GLIPR2: variants seen among roughly 807,000 people sequenced by gnomAD.
The protein encoded by GLIPR2 is GLI pathogenesis related 2, also known as Golgi-associated plant pathogenesis-related protein 1.
Under a neutral mutation model 20.4 loss-of-function variants are expected in GLIPR2, and 21 were observed. The observed-to-expected ratio is 1.03, with a 90% CI of 0.73 to 1.48. The LOEUF is 1.48. GLIPR2 is among the 40% of genes most tolerant of loss of function. GLIPR2 has a pLI of 0.00. For synonymous variants in GLIPR2, 91 were observed against 80.5 expected (o/e 1.13, Z -0.70); for missense variants, 205 against 200.1 (o/e 1.02, Z -0.15).
Position 36,162,527 on chromosome 9 carries a change from T to A in GLIPR2, c.*5T>A, listed in dbSNP as rs185420387. 1 of 1,614,062 alleles carries A rather than the reference T, an allele frequency of 6.2e-7. No homozygotes were observed. The highest frequency in any genetic ancestry group is 1.7e-5 in the Admixed American group (1 of 60,004). ...GTCCTGCCGCCGAAGAAGTAACTTGTTAAATGTAATGGGAAGGTGGCAGAC... is the reference window on the plus strand; with the variant it reads ...GTCCTGCCGCCGAAGAAGTAACTTGATAAATGTAATGGGAAGGTGGCAGAC... On this transcript the variant is annotated 3_prime_UTR_variant, in exon 5 of 5. Coordinates refer to ENST00000377960, the MANE Select transcript of GLIPR2 (RefSeq NM_022343.4).
intron 1 of GLIPR2, 147 bp from the exon 2 acceptor site, chr9:36,147,639 T>C: frequency 1.5e-6 from 1 of 663,648 alleles, no homozygotes; most frequent in Non-Finnish European, 2.8e-6. Flanking sequence ...GCAGGGCCAC[T>C]TGGCTGGGGT....
chr9:36,148,156 G>A (rs1199667480), intron 2 of GLIPR2, among the ~76,000 whole-genome samples: 4 of 152,098 alleles, frequency 2.6e-5, no homozygotes, highest in Non-Finnish European at 4.4e-5. Flanking sequence ...GCTGAGGCAG[G>A]AGAATTGCTT....
intron 1 of GLIPR2, among the ~76,000 whole-genome samples, chr9:36,137,319 G>C (rs558442628): frequency 4.5e-4 from 68 of 152,292 alleles, no homozygotes; most frequent in African/African-American, 1.5e-3. Context: ...TGAACTTTCT[G>C]CAGCGCAGCT....
chr9:36,162,949 G>C lies in GLIPR2; in HGVS notation c.*427G>C. On this transcript the variant is annotated 3_prime_UTR_variant, in exon 5 of 5. Coordinates refer to ENST00000377960, the MANE Select transcript of GLIPR2 (RefSeq NM_022343.4). ...TAATCTACTTTTGGTAGATAATTAA[G>C]ATTATTAAACCCTCATTTAAATGTG... is the stretch of plus-strand genomic sequence containing the variant. 1 of 451,976 alleles carries C rather than the reference G, an allele frequency of 2.2e-6. No homozygotes were observed. The highest frequency in any genetic ancestry group is 1.6e-5 in the South Asian group (1 of 62,538). The allele number at this position is 451,976 out of a possible 1,614,324, so 28.0% of individuals were successfully genotyped here. A position where few individuals can be genotyped will look rare whatever the true frequency, so the allele number is the denominator to read the frequency against.
chr9:36,155,402 C>G (rs1825785799), intron 4 of GLIPR2, among the ~76,000 whole-genome samples: 1 of 151,972 alleles, frequency 6.6e-6, no homozygotes, highest in South Asian at 2.1e-4. Flanking sequence ...CGAGACCACC[C>G]TGGCCAATAT....
chr9:36,151,628 G>C (rs1448769451), intron 4 of GLIPR2, among the ~76,000 whole-genome samples: 1 of 152,162 alleles, frequency 6.6e-6, no homozygotes, highest in African/African-American at 2.4e-5. Flanking sequence ...TGGCTTCTAA[G>C]GGATATCCTG....
At chr9:36,159,080 T>G (rs1825951926) in intron 4 of GLIPR2, among the ~76,000 whole-genome samples, 1 of 152,086 alleles carries the variant, frequency 6.6e-6, no homozygotes, top group Admixed American at 6.6e-5. Context: ...AAAAAGAATT[T>G]ATGATCGTTG....
At chr9:36,149,429 C>T (rs1214840316) in intron 3 of GLIPR2, among the ~76,000 whole-genome samples, 4 of 152,254 alleles carry the variant, frequency 2.6e-5, no homozygotes, top group African/African-American at 9.6e-5. Context: ...TTGGCACCCC[C>T]ACTGGGAGGC....
Position 36,162,616 on chromosome 9 carries a change from G to C in GLIPR2, c.*94G>C, listed in dbSNP as rs1233446337. ...CCTGGCTGTGCGTCTGTCCCTGTGG[G>C]TGTATGTGCTTGTGTGTGTGATGCA... On this transcript the variant is annotated 3_prime_UTR_variant, in exon 5 of 5. Transcript: ENST00000377960. 1 of 1,256,434 alleles carries C rather than the reference G, an allele frequency of 8.0e-7. No individual in the cohort carries two copies. The allele number at this position is 1,256,434 out of a possible 1,614,324, so 77.8% of individuals were successfully genotyped here.
intron 3 of GLIPR2, among the ~76,000 whole-genome samples, chr9:36,148,968 C>T (rs1328570009): frequency 6.6e-6 from 1 of 152,178 alleles, no homozygotes; most frequent in African/African-American, 2.4e-5. Flanking sequence ...TACAGAATCT[C>T]AGCCTGATTC....
intron 4 of GLIPR2, 196 bp from the exon 5 acceptor site, chr9:36,162,166 C>T: frequency 7.2e-7 from 1 of 1,382,632 alleles, no homozygotes. Flanking sequence ...CAGAGCGAGA[C>T]TCCATCTTGG....
At chr9:36,142,572 T>A (rs952040328) in intron 1 of GLIPR2, among the ~76,000 whole-genome samples, 2 of 152,210 alleles carry the variant, frequency 1.3e-5, no homozygotes, top group East Asian at 3.8e-4. Flanking sequence ...GTTGGCACTC[T>A]GAGGCCGTGT....
intron 1 of GLIPR2, among the ~76,000 whole-genome samples, chr9:36,139,962 G>A (rs1184658753): frequency 6.6e-6 from 1 of 152,154 alleles, no homozygotes; most frequent in Non-Finnish European, 1.5e-5. Flanking sequence ...CAGGCAAAGA[G>A]CTCAGTATTT....
intron 2 of GLIPR2, 32 bp from the exon 3 acceptor site, chr9:36,148,514 AC>A (rs1825438988): frequency 6.6e-7 from 1 of 1,526,098 alleles, no homozygotes; most frequent in African/African-American, 1.4e-5. Context: ...CCTGAACTGC[AC>A]CTGCTCTGAG....
At chr9:36,159,362 G>T (rs571133134) in intron 4 of GLIPR2, among the ~76,000 whole-genome samples, 3 of 152,336 alleles carry the variant, frequency 2.0e-5, no homozygotes, top group Admixed American at 6.5e-5. Context: ...AACATAGAAT[G>T]CTGCACTTCT....
intron 4 of GLIPR2, among the ~76,000 whole-genome samples, chr9:36,160,550 AAG>A (rs879928855): frequency 2.0e-5 from 3 of 152,188 alleles, no homozygotes; most frequent in African/African-American, 4.8e-5. Flanking sequence ...GAGAAGAAAA[AAG>A]AGAAGAAGAA....
chr9:36,156,845 C>A (rs1825855941), intron 4 of GLIPR2, among the ~76,000 whole-genome samples: 1 of 152,174 alleles, frequency 6.6e-6, no homozygotes, highest in African/African-American at 2.4e-5. Context: ...ATCTCCACCC[C>A]ACCCCAACCA....
rs757188903 is a variant in GLIPR2 at position 36,150,998 on chromosome 9, G to C, written c.304+49G>C. The C allele has an allele frequency of 4.6e-6, 6 of 1,309,562 alleles. No individual in the cohort carries two copies. The East Asian group carries it at 1.4e-4, about 30-fold the overall frequency. The allele number at this position is 1,309,562 out of a possible 1,614,324, so 81.1% of individuals were successfully genotyped here. A position where few individuals can be genotyped will look rare whatever the true frequency, so the allele number is the denominator to read the frequency against. On this transcript the variant is annotated intron_variant, in intron 4 of 4. Transcript: ENST00000377960. ...GGCCTGGCCCTGGGCAGCAATGCAG[G>C]TTGGGTGTCTGACTTCAGGGAGGAA...
chr9:36,139,731 G>A (rs918018454), intron 1 of GLIPR2, among the ~76,000 whole-genome samples: 20 of 152,148 alleles, frequency 1.3e-4, no homozygotes, highest in East Asian at 3.8e-4. Flanking sequence ...CATAACAGGC[G>A]TTATTGTAAA....
Sources: allele counts gnomAD v4.1 joint callset (sites outside exome capture counted in the v4.1 genomes callset), GRCh38; gene constraint gnomAD v4.1.1; transcripts MANE v1.5; gene names NCBI Gene and HGNC (gene_info 2026-07-23, HGNC 2026-07-21).